The following JADE2 variants were observed in gnomAD, a reference collection of about 807,000 sequenced individuals.
JADE2 encodes the protein jade family PHD finger 2, also known as E3 ubiquitin-protein ligase Jade-2.
In JADE2, 13 loss-of-function variants were observed where a neutral mutation model predicts 85.7. The ratio of observed to expected loss-of-function variants is 0.15; its 90% CI spans 0.10 to 0.24. The LOEUF is 0.24. Among genes scored for constraint, JADE2 ranks in the 10% least tolerant of loss-of-function variants. The pLI is 1.00. For synonymous variants in JADE2, 440 were observed against 456.1 expected, an observed-to-expected ratio of 0.96 and a Z score of 0.45; for missense variants, 846 against 1,115.9, an observed-to-expected ratio of 0.76 and a Z score of 3.45.
At position 134,578,240 on chromosome 5, in the gene JADE2, T is replaced by G. The variant is rs1300872373; in HGVS notation, c.1682-254T>G. 1.3e-5 allele frequency among the ~76,000 whole-genome samples: 2 copies of G among 152,230 alleles called. No homozygotes were observed. The highest frequency in any genetic ancestry group is 3.9e-4 in the East Asian group (2 of 5,192). On this transcript the variant is annotated intron_variant, in intron 11 of 11. Transcript: ENST00000681547. This position sits in a 1 kb window ranked among gnomAD's most constrained non-coding sequence, Gnocchi z 4.4. Reference sequence around the variant, plus strand: ...TGAACAAGGAGCCTATATTTTCATTTTACACTCTAGCCCACAAATTATGAA... The same window carrying G: ...TGAACAAGGAGCCTATATTTTCATTGTACACTCTAGCCCACAAATTATGAA...
At chr5:134,525,637 A>C, upstream of JADE2, 1 of 952,376 alleles carries the variant, frequency 1.1e-6, no homozygotes, top group South Asian at 1.4e-5. Context: ...TTTTCTAAAG[A>C]GATCACAAGG....
At chr5:134,537,896 C>A in intron 2 of JADE2, 93 bp from the exon 3 acceptor site, 1 of 896,490 alleles carries the variant, frequency 1.1e-6, no homozygotes, top group Non-Finnish European at 1.8e-6. Flanking sequence ...ACATTCTAGC[C>A]GGGGCTTTGC....
Position 134,562,619 on chromosome 5 carries a change from G to C in JADE2, c.852+252G>C, listed in dbSNP as rs899230893. On this transcript the variant is annotated intron_variant, in intron 7 of 11. Transcript: ENST00000681547. This position sits in a 1 kb window ranked among gnomAD's most constrained non-coding sequence, Gnocchi z 4.6. ...AAAACCCCCTCTCTACAAAAATTAG[G>C]AGTGCATGGTGGCAGGCACCTGTAG... Among the ~76,000 whole-genome samples the C allele has an allele frequency of 6.6e-6, 1 of 151,960 alleles. No homozygotes were observed. Among genetic ancestry groups the C allele is most frequent in the Non-Finnish European group, 1.5e-5 (1 of 67,956 alleles).
intron 4 of JADE2, among the ~76,000 whole-genome samples, chr5:134,552,461 T>C (rs968912115): frequency 1.3e-5 from 2 of 151,376 alleles, no homozygotes; most frequent in Non-Finnish European, 3.0e-5. Flanking sequence ...TCATATTCAG[T>C]GTGGCCTTAG....
intron 2 of JADE2, 100 bp downstream of exon 2, chr5:134,536,015 A>T: frequency 1.0e-6 from 1 of 963,054 alleles, no homozygotes; most frequent in South Asian, 1.3e-5. Flanking sequence ...TCTTAATTTC[A>T]CTAAGAGGCA....
chr5:134,535,520 T>C (rs1267768367), intron 1 of JADE2, among the ~76,000 whole-genome samples: 1 of 152,142 alleles, frequency 6.6e-6, no homozygotes. Context: ...CTGAGTGTCC[T>C]TGGGTGGCAG....
At chr5:134,547,998 G>A (rs59433383) in intron 3 of JADE2, among the ~76,000 whole-genome samples, 27,511 of 152,172 alleles carry the variant, frequency 0.18, 2,796 homozygotes, top group East Asian at 0.39. Flanking sequence ...GAGACCTTAA[G>A]GATGAAGTGT....
intron 3 of JADE2, among the ~76,000 whole-genome samples, chr5:134,540,652 A>G (rs1197976071): frequency 6.6e-6 from 1 of 152,162 alleles, no homozygotes; most frequent in Admixed American, 6.5e-5. Context: ...TGCCCATTTC[A>G]GACATGAAGA....
In JADE2 at chr5:134,525,721, T is replaced by C. The variant is rs1375246131; in HGVS notation, c.-291T>C. 5 of 1,231,998 alleles carry C rather than the reference T, an allele frequency of 4.1e-6. No individual in the cohort carries two copies. The East Asian group carries it at 2.3e-4, about 56-fold the overall frequency. The allele number at this position is 1,231,998 out of a possible 1,614,324, so 76.3% of individuals were successfully genotyped here. ...TGGTGCCGACCGCGGCCATCGCAGTTGGAGGCTATTTTTTGGGGGGGGTGA... is the reference window on the plus strand; with the variant it reads ...TGGTGCCGACCGCGGCCATCGCAGTCGGAGGCTATTTTTTGGGGGGGGTGA... On this transcript the variant is annotated 5_prime_UTR_variant, in exon 1 of 12. Coordinates refer to ENST00000681547, the MANE Select transcript of JADE2 (RefSeq NM_001388185.1).
intron 1 of JADE2, among the ~76,000 whole-genome samples, chr5:134,532,467 G>C (rs1362735698): frequency 6.6e-6 from 1 of 152,174 alleles, no homozygotes; most frequent in Non-Finnish European, 1.5e-5. Context: ...CTCCATGCTG[G>C]GGGTTGCATG....
intron 1 of JADE2, among the ~76,000 whole-genome samples, chr5:134,526,991 C>G (rs548919220): frequency 1.3e-5 from 2 of 152,314 alleles, no homozygotes; most frequent in Admixed American, 6.5e-5. Context: ...AGGGACGGAT[C>G]CGCAGTCCCC....
At position 134,573,889 on chromosome 5, in the gene JADE2, C is replaced by T. The variant is rs757082267; in HGVS notation, c.1552+127C>T. 18 of 762,124 alleles carry T rather than the reference C, an allele frequency of 2.4e-5. No homozygotes were observed. The African/African-American group carries it at 2.9e-4, about 12-fold the overall frequency. The allele number at this position is 762,124 out of a possible 1,614,324, so 47.2% of individuals were successfully genotyped here. A position where few individuals can be genotyped will look rare whatever the true frequency, so the allele number is the denominator to read the frequency against. On this transcript the variant is annotated intron_variant, in intron 10 of 11. Transcript: ENST00000681547. The stretch of plus-strand genomic sequence containing the variant: ...CGTGGAGCCAAGGGCCACTGGCCCC[C>T]ACTCCTACCCTTCACCATCCAATTA...
chr5:134,563,661 A>G (rs34981024), intron 7 of JADE2, among the ~76,000 whole-genome samples: 44,308 of 152,150 alleles, frequency 0.29, 6,590 homozygotes, highest in Middle Eastern at 0.36. Context: ...CTGGGCTCAC[A>G]GTCTGAAGCC....
Position 134,573,741 on chromosome 5 carries a change from A to G in JADE2, c.1531A>G (p.Ile511Val), listed in dbSNP as rs1355858063. The G allele has an allele frequency of 3.7e-6, 6 of 1,611,088 alleles. No individual in the cohort carries two copies. The African/African-American group carries it at 6.7e-5, about 18-fold the overall frequency. ...GATATTCCACCTGCAGATGAAACTTATTGAACAGGATCTGTGTCGAGGTAG... is the reference window on the plus strand; with the variant it reads ...GATATTCCACCTGCAGATGAAACTTGTTGAACAGGATCTGTGTCGAGGTAG... ...EQIFHLQMKL[I>V]EQDLCRERSG... is the part of the protein sequence containing the mutation. Residue 511 changes from isoleucine (I) to valine (V), a missense_variant, in exon 10 of 12, where the codon ATT (isoleucine) becomes GTT (valine). By Grantham distance (29) the Ile-to-Val change is conservative. Coordinates refer to ENST00000681547, the MANE Select transcript of JADE2 (RefSeq NM_001388185.1).
chr5:134,560,714 A>T (rs757580920), intron 5 of JADE2, 32 bp from the exon 6 acceptor site: 1 of 1,593,064 alleles, frequency 6.3e-7, no homozygotes, highest in South Asian at 1.1e-5. Flanking sequence ...CTGGGCTCCT[A>T]ACACCACCAT....
chr5:134,531,939 A>T (rs1761274930), intron 1 of JADE2, among the ~76,000 whole-genome samples: 1 of 117,362 alleles, frequency 8.5e-6, no homozygotes, highest in African/African-American at 3.3e-5. Flanking sequence ...TCTGTCACCC[A>T]GGCTGGAGTG....
rs1172368408 is a variant in JADE2, at chr5:134,576,771, G to A, written c.1556G>A (p.Arg519Gln). The A allele has an allele frequency of 7.1e-6, 11 of 1,550,462 alleles. No homozygotes were observed. The East Asian group carries it at 7.3e-5, about 10-fold the overall frequency. The change falls in exon 11 of 12, where the codon CGG becomes CAG. Residue 519 changes from arginine to glutamine, a missense_variant. By Grantham distance (43) the Arg-to-Gln change is conservative. This residue lies in a region of JADE2 where 119 missense variants were observed against 163.9 expected (regional missense o/e 0.73). Transcript: ENST00000681547. ...CCTCTCACTTTCCCTGACACAGAGC[G>A]GTCTGGGAGGAGAGCAAAGGGCAAG... ...KLIEQDLCRE[R>Q]SGRRAKGKKS...
At chr5:134,550,965 G>C (rs753945083) in intron 3 of JADE2, among the ~76,000 whole-genome samples, 1 of 152,076 alleles carries the variant, frequency 6.6e-6, no homozygotes, top group South Asian at 2.1e-4. Context: ...AAAGCCGGTC[G>C]AGTTAGGAGA....
rs116425640 is a variant in JADE2, at chr5:134,563,913, G to A, written c.853-581G>A. Reference sequence around the variant, plus strand: ...ATGTGCCCTGCCTCTGGGCTGTGGGGTGGTCTCTGCCCAGTAGACTTGGGC... The same window carrying A: ...ATGTGCCCTGCCTCTGGGCTGTGGGATGGTCTCTGCCCAGTAGACTTGGGC... On this transcript the variant is annotated intron_variant, in intron 7 of 11. Transcript: ENST00000681547. 2.0e-3 allele frequency among the ~76,000 whole-genome samples: 309 copies of A among 152,290 alleles called. 2 individuals are homozygous for A. Among genetic ancestry groups the A allele is most frequent in the Middle Eastern group, 6.8e-3 (2 of 294 alleles).
Sources: gnomAD v4.1 joint callset for allele counts (sites outside exome capture counted in the v4.1 genomes callset) on GRCh38, gnomAD v4.1.1 for gene constraint, gnomAD v4.1.1 regional missense constraint, Gnocchi (gnomAD v3.1) non-coding constraint, MANE v1.5 for transcripts, NCBI Gene and HGNC (gene_info 2026-07-23, HGNC 2026-07-21) for gene names.